Variants in UNC13B observed in about 807,000 individuals in gnomAD.
The protein encoded by UNC13B is unc-13 homolog B, also known as protein unc-13 homolog B.
In UNC13B, 144 loss-of-function variants were observed where a neutral mutation model predicts 211.0. The ratio of observed to expected loss-of-function variants is 0.68; its 90% CI spans 0.60 to 0.78. UNC13B has a LOEUF of 0.78. Among genes scored for constraint, UNC13B ranks in the 30% least tolerant of loss-of-function variants. The pLI is 0.00. For synonymous variants in UNC13B, 709 were observed against 725.8 expected, an observed-to-expected ratio of 0.98 and a Z score of 0.37; for missense variants, 1,777 against 2,002.0, an observed-to-expected ratio of 0.89 and a Z score of 2.14.
In UNC13B at chr9:35,392,104, C is replaced by G. The variant is rs574259788; in HGVS notation, c.11308+1390C>G. On this transcript the variant is annotated intron_variant, in intron 26 of 39. Coordinates refer to ENST00000635942, the MANE Select transcript of UNC13B (RefSeq NM_001371189.2). The stretch of plus-strand genomic sequence containing the variant: ...TAATTTTTATGAGCTCCCATTTTCT[C>G]ATCTGTAAAATGGGAGTGATGATAG... Among the ~76,000 whole-genome samples, 14 of 152,310 alleles carry G rather than the reference C, an allele frequency of 9.2e-5. No homozygotes were observed. The South Asian group carries it at 2.3e-3, about 25-fold the overall frequency.
chr9:35,403,660 G>C, intron 39 of UNC13B, 61 bp downstream of exon 39: 3 of 681,040 alleles, frequency 4.4e-6, no homozygotes, highest in Non-Finnish European at 7.4e-6. Context: ...GGGGTGGGGG[G>C]AGAGGAGGGC....
At chr9:35,169,646 G>T (rs1322200849) in intron 1 of UNC13B, among the ~76,000 whole-genome samples, 2 of 152,196 alleles carry the variant, frequency 1.3e-5, no homozygotes, top group Non-Finnish European at 1.5e-5. Context: ...CAGAGCTGTG[G>T]CTGTGTTCCT....
At chr9:35,297,064 C>T (rs532700232) in intron 8 of UNC13B, among the ~76,000 whole-genome samples, 7 of 150,342 alleles carry the variant, frequency 4.7e-5, no homozygotes, top group Admixed American at 2.0e-4. Context: ...AATTTCATTA[C>T]CTTGGTTTTT....
chr9:35,317,036 A>G (rs1019711219), intron 11 of UNC13B, among the ~76,000 whole-genome samples: 1 of 152,140 alleles, frequency 6.6e-6, no homozygotes, highest in African/African-American at 2.4e-5. Context: ...TCACATTTTA[A>G]TTTTTATAAT....
In UNC13B at chr9:35,225,335, A is replaced by G. The variant is rs145839131; in HGVS notation, c.23-2680A>G. ...GCCACTACACCCAGCTAATTTTTGT[A>G]TTTTTAGTAGAGATGGGGTTTCCCA... is the stretch of plus-strand genomic sequence containing the variant. On this transcript the variant is annotated intron_variant, in intron 1 of 39. Transcript: ENST00000635942. Among the ~76,000 whole-genome samples the G allele has an allele frequency of 2.6e-5, 4 of 151,906 alleles. No individual in the cohort carries two copies. The East Asian group carries it at 7.8e-4, about 29-fold the overall frequency.
At chr9:35,371,597 C>CT (rs924259763) in intron 13 of UNC13B, among the ~76,000 whole-genome samples, 1 of 152,212 alleles carries the variant, frequency 6.6e-6, no homozygotes, top group South Asian at 2.1e-4. Context: ...CTCATCTCCT[C>CT]TTTTTTTTCT....
intron 6 of UNC13B, among the ~76,000 whole-genome samples, chr9:35,255,027 A>T (rs1157419118): frequency 1.1e-4 from 12 of 113,360 alleles, no homozygotes; most frequent in Admixed American, 5.8e-4. Context: ...ATGTATATAT[A>T]ATATAATATA....
At chr9:35,293,523 G>A (rs951256577) in intron 7 of UNC13B, among the ~76,000 whole-genome samples, 28 of 152,090 alleles carry the variant, frequency 1.8e-4, no homozygotes, top group African/African-American at 6.8e-4. Context: ...CTCCTTTGTT[G>A]CCTCTGCCCC....
At chr9:35,234,979 A>C (rs924002757) in intron 3 of UNC13B, among the ~76,000 whole-genome samples, 2 of 152,164 alleles carry the variant, frequency 1.3e-5, no homozygotes, top group African/African-American at 2.4e-5. Flanking sequence ...TCTCTGCTGG[A>C]ATTGGTCTTT....
chr9:35,404,277 T>C lies in UNC13B; in HGVS notation c.*244T>C, dbSNP rs904294917. Reference sequence around the variant, plus strand: ...GTGGGGTTACCACATGGAGAGATTTTCCATTAAGAGAGAAGGACAAACATT... The same window carrying C: ...GTGGGGTTACCACATGGAGAGATTTCCCATTAAGAGAGAAGGACAAACATT... On this transcript the variant is annotated 3_prime_UTR_variant, in exon 40 of 40. Transcript: ENST00000635942. The C allele has an allele frequency of 1.8e-5, 10 of 553,586 alleles. No homozygotes were observed. The highest frequency in any genetic ancestry group is 3.2e-5 in the Non-Finnish European group (10 of 313,702). The allele number at this position is 553,586 out of a possible 1,614,324, so 34.3% of individuals were successfully genotyped here. A position where few individuals can be genotyped will look rare whatever the true frequency, so the allele number is the denominator to read the frequency against.
chr9:35,368,290 A>T (rs1006271255), intron 12 of UNC13B, among the ~76,000 whole-genome samples: 8 of 152,150 alleles, frequency 5.3e-5, no homozygotes, highest in Non-Finnish European at 1.5e-5. Context: ...GCTCCCACTT[A>T]TAAGAGAGAA....
chr9:35,269,913 T>G (rs1336193952), intron 7 of UNC13B, among the ~76,000 whole-genome samples: 2 of 152,182 alleles, frequency 1.3e-5, no homozygotes, highest in Non-Finnish European at 2.9e-5. Context: ...TTTTTTTTTT[T>G]GAACCCAGTG....
intron 1 of UNC13B, among the ~76,000 whole-genome samples, chr9:35,225,019 A>G (rs188307719): frequency 1.3e-5 from 2 of 152,256 alleles, no homozygotes; most frequent in East Asian, 3.9e-4. Context: ...AAAAAATTAC[A>G]CATTAAAGGA....
At chr9:35,324,893 C>G (rs995556315) in intron 11 of UNC13B, among the ~76,000 whole-genome samples, 1 of 152,176 alleles carries the variant, frequency 6.6e-6, no homozygotes, top group African/African-American at 2.4e-5. Context: ...ACCCATATTT[C>G]TAACTACTTC....
intron 1 of UNC13B, among the ~76,000 whole-genome samples, chr9:35,204,191 G>T (rs1823505502): frequency 6.6e-6 from 1 of 152,250 alleles, no homozygotes; most frequent in Non-Finnish European, 1.5e-5. Context: ...TGGATGCACA[G>T]AGTGCAGGAG....
At chr9:35,359,955 C>T (rs757941317) in intron 11 of UNC13B, among the ~76,000 whole-genome samples, 3 of 152,186 alleles carry the variant, frequency 2.0e-5, no homozygotes, top group Non-Finnish European at 4.4e-5. Context: ...GAATGGACAC[C>T]AGCATTCTTA....
intron 11 of UNC13B, among the ~76,000 whole-genome samples, chr9:35,346,883 C>T (rs1379922820): frequency 6.6e-6 from 1 of 152,096 alleles, no homozygotes; most frequent in Non-Finnish European, 1.5e-5. Context: ...CTCTCACCTC[C>T]TTTCCATTCC....
rs772939093 is a variant in UNC13B, at chr9:35,366,946, G to C, written c.9415-1G>C. 6 of 1,613,594 alleles carry C rather than the reference G, an allele frequency of 3.7e-6. No individual in the cohort carries two copies. In the South Asian group the frequency reaches 5.5e-5, roughly 15 times the overall value. On this transcript the variant is annotated splice_acceptor_variant, in intron 11 of 39. Coordinates refer to ENST00000635942, the MANE Select transcript of UNC13B (RefSeq NM_001371189.2). LOFTEE classifies it high-confidence loss of function. Reference sequence around the variant, plus strand: ...AACTTGTTTCCTATCTCTTTTTAAAGATTCCAGATGATGGTGACCCCTCTC... The same window carrying C: ...AACTTGTTTCCTATCTCTTTTTAAACATTCCAGATGATGGTGACCCCTCTC...
At chr9:35,244,597 T>G (rs1028994537) in intron 6 of UNC13B, among the ~76,000 whole-genome samples, 1 of 152,174 alleles carries the variant, frequency 6.6e-6, no homozygotes, top group African/African-American at 2.4e-5. Context: ...TTCCTTAGCT[T>G]GTAGATGTAT....
Sources: allele counts gnomAD v4.1 joint callset (sites outside exome capture counted in the v4.1 genomes callset), GRCh38; gene constraint gnomAD v4.1.1; transcripts MANE v1.5; gene names NCBI Gene and HGNC (gene_info 2026-07-23, HGNC 2026-07-21).